The following SNTG2 variants were observed in gnomAD, a reference collection of about 807,000 sequenced individuals.
SNTG2 encodes the protein syntrophin gamma 2.
SNTG2 carries 74 observed loss-of-function variants against 70.9 expected under a neutral mutation model. The observed-to-expected ratio is 1.04, with a 90% CI of 0.86 to 1.27. SNTG2 has a LOEUF of 1.27. Ranked by LOEUF, SNTG2 falls within the 50% of genes most tolerant of loss-of-function variation. The pLI, the probability that SNTG2 is intolerant of heterozygous loss-of-function variation, is 0.00. For missense variants in SNTG2, 717 were observed against 690.7 expected, an observed-to-expected ratio of 1.04 and a Z score of -0.43; for synonymous variants, 278 against 273.8, an observed-to-expected ratio of 1.02 and a Z score of -0.15.
intron 4 of SNTG2, among the ~76,000 whole-genome samples, chr2:1,117,027 G>A (rs1172000146): frequency 7.1e-6 from 1 of 141,496 alleles, no homozygotes; most frequent in South Asian, 2.3e-4. Context: ...GTGCTCTGGT[G>A]TGTGAGTGCC....
At chr2:1,302,974 G>T (rs946673030) in intron 14 of SNTG2, among the ~76,000 whole-genome samples, 11 of 151,738 alleles carry the variant, frequency 7.2e-5, no homozygotes, top group Non-Finnish European at 1.5e-4. Flanking sequence ...AAAACAACGG[G>T]GCTGCAAAAT....
intron 1 of SNTG2, among the ~76,000 whole-genome samples, chr2:965,205 G>T (rs868184486): frequency 2.0e-4 from 7 of 34,454 alleles, no homozygotes; most frequent in Non-Finnish European, 3.0e-4. Flanking sequence ...TCCTCCTCCT[G>T]GTCCCCAATC....
At chr2:978,453 A>T (rs923554172) in intron 1 of SNTG2, among the ~76,000 whole-genome samples, 2 of 152,220 alleles carry the variant, frequency 1.3e-5, no homozygotes, top group African/African-American at 4.8e-5. Flanking sequence ...AACAAGGAAC[A>T]TATCTCAAAA....
chr2:1,005,172 G>A (rs1051064084), intron 1 of SNTG2, among the ~76,000 whole-genome samples: 2 of 152,136 alleles, frequency 1.3e-5, no homozygotes, highest in African/African-American at 4.8e-5. Flanking sequence ...ATTGTGGGGC[G>A]GGAGGGGTGA....
chr2:1,321,912 C>T (rs1184545501), intron 16 of SNTG2, among the ~76,000 whole-genome samples: 10 of 111,052 alleles, frequency 9.0e-5, no homozygotes, highest in Non-Finnish European at 1.9e-5. Context: ...TTCCTTCCCT[C>T]CTTCCTTCCT....
At chr2:1,171,663 A>G (rs1300644601) in intron 7 of SNTG2, among the ~76,000 whole-genome samples, 2 of 152,292 alleles carry the variant, frequency 1.3e-5, no homozygotes, top group Middle Eastern at 3.4e-3. Context: ...TCATCTAGTA[A>G]AATTGACAAC....
At chr2:1,148,621 C>T (rs958926274) in intron 6 of SNTG2, among the ~76,000 whole-genome samples, 31 of 152,136 alleles carry the variant, frequency 2.0e-4, no homozygotes, top group African/African-American at 6.3e-4. Context: ...GCTCCCGGGG[C>T]GGGATGCACC....
intron 6 of SNTG2, among the ~76,000 whole-genome samples, chr2:1,156,295 C>T (rs1241218898): frequency 6.6e-6 from 1 of 152,102 alleles, no homozygotes; most frequent in Non-Finnish European, 1.5e-5. Flanking sequence ...AGATCGAGGG[C>T]AGCTCTTTTG....
intron 1 of SNTG2, among the ~76,000 whole-genome samples, chr2:1,061,521 C>T (rs1662823075): frequency 6.6e-6 from 1 of 152,194 alleles, no homozygotes; most frequent in Non-Finnish European, 1.5e-5. Context: ...GTTAAAGTTT[C>T]AAAGTTTCCT....
At chr2:1,084,032 C>T (rs994386225) in intron 2 of SNTG2, among the ~76,000 whole-genome samples, 3 of 151,638 alleles carry the variant, frequency 2.0e-5, no homozygotes, top group Non-Finnish European at 4.4e-5. Flanking sequence ...TAGAGCGAGG[C>T]TCCATCTCAA....
intron 6 of SNTG2, among the ~76,000 whole-genome samples, chr2:1,157,542 C>A (rs758800210): frequency 4.3e-4 from 66 of 152,148 alleles, no homozygotes; most frequent in Non-Finnish European, 8.1e-4. Context: ...TAAGTAGGTT[C>A]CTTATGTATA....
chr2:1,193,372 A>T (rs1325811469), intron 8 of SNTG2, among the ~76,000 whole-genome samples: 1 of 152,144 alleles, frequency 6.6e-6, no homozygotes, highest in Non-Finnish European at 1.5e-5. Flanking sequence ...CCACCTGATG[A>T]AAAGGATTGG....
chr2:1,280,773 T>G (rs867624136), intron 14 of SNTG2, among the ~76,000 whole-genome samples: 1 of 152,376 alleles, frequency 6.6e-6, no homozygotes, highest in Middle Eastern at 3.4e-3. Context: ...TTACAAACTT[T>G]CTGAAAGTAT....
chr2:1,112,287 C>T (rs1368971397), intron 4 of SNTG2, among the ~76,000 whole-genome samples: 1 of 151,546 alleles, frequency 6.6e-6, no homozygotes, highest in Non-Finnish European at 1.5e-5. Context: ...AGGTTTAACC[C>T]TTACAGTCCT....
At position 1,027,749 on chromosome 2, in the gene SNTG2, T is replaced by C. The variant is rs112848892; in HGVS notation, c.73-55769T>C. 2.6e-5 allele frequency among the ~76,000 whole-genome samples: 3 copies of C among 115,044 alleles called. 1 individual carries two copies. Among genetic ancestry groups the C allele is most frequent in the South Asian group, 6.6e-4 (2 of 3,036 alleles). The allele number at this position is 115,044 out of a possible 152,430, so 75.5% of individuals were successfully genotyped here. ...AGTAAGTAGGTCAGTAGGTGCATCA[T>C]TGAAGATGCGTCTGACCCACAGACA... On this transcript the variant is annotated intron_variant, in intron 1 of 16. Transcript: ENST00000308624.
chr2:1,254,254 C>T (rs1558600532), intron 12 of SNTG2, among the ~76,000 whole-genome samples: 1 of 152,202 alleles, frequency 6.6e-6, no homozygotes, highest in Non-Finnish European at 1.5e-5. Context: ...TCCCTAATCT[C>T]TGTCTTTCCC....
chr2:987,807 C>T (rs1661372788), intron 1 of SNTG2, among the ~76,000 whole-genome samples: 1 of 152,096 alleles, frequency 6.6e-6, no homozygotes, highest in African/African-American at 2.4e-5. Flanking sequence ...TAGACAAGGA[C>T]AGGGTTACTG....
At chr2:971,144 T>A (rs1660726881) in intron 1 of SNTG2, among the ~76,000 whole-genome samples, 1 of 152,232 alleles carries the variant, frequency 6.6e-6, no homozygotes, top group Non-Finnish European at 1.5e-5. Context: ...GGAATGATGC[T>A]GGCTTCCTAG....
intron 1 of SNTG2, among the ~76,000 whole-genome samples, chr2:965,954 GGCTGCTCCCGGCTCCTCCCA>G (rs1238649489): frequency 1.3e-5 from 2 of 151,996 alleles, no homozygotes; most frequent in Non-Finnish European, 2.9e-5. Context: ...AGCTCCTCCC[GGCTGCTCCCGGCTCCTCCCA>G]GCTGCTCCCA....
Sources: gnomAD v4.1 joint callset for allele counts (sites outside exome capture counted in the v4.1 genomes callset) on GRCh38, gnomAD v4.1.1 for gene constraint, MANE v1.5 for transcripts, NCBI Gene and HGNC (gene_info 2026-07-23, HGNC 2026-07-21) for gene names.